Variants in SPON2 observed in about 807,000 individuals in gnomAD.
The protein encoded by SPON2 is spondin-2.
SPON2 carries 32 observed loss-of-function variants against 29.9 expected under a neutral mutation model. The observed-to-expected ratio is 1.07, with a 90% CI of 0.81 to 1.44. SPON2 has a LOEUF of 1.44. SPON2 is among the 40% of genes most tolerant of loss of function. The probability of loss-of-function intolerance (pLI) is 0.00; values close to 1 mark genes in which losing one functional copy is unlikely to be tolerated. For missense variants in SPON2, 541 were observed against 455.5 expected, an observed-to-expected ratio of 1.19 and a Z score of -1.71; for synonymous variants, 248 against 209.1, an observed-to-expected ratio of 1.19 and a Z score of -1.61.
intron 5 of SPON2, among the ~76,000 whole-genome samples, chr4:1,168,632 A>C (rs1216935591): frequency 6.6e-6 from 1 of 152,202 alleles, no homozygotes; most frequent in Non-Finnish European, 1.5e-5. Context: ...TGGGGAGCAC[A>C]CAGAGCTGCT....
intron 1 of SPON2, among the ~76,000 whole-genome samples, chr4:1,189,270 G>A (rs775019958): frequency 1.8e-4 from 27 of 151,464 alleles, no homozygotes; most frequent in African/African-American, 2.4e-4. Context: ...CTAAAGAAAC[G>A]AGAAAAAAAC....
At position 1,206,295 on chromosome 4, in the gene SPON2, C is replaced by G. The variant is rs1271176944; in HGVS notation, c.-234+1585G>C. Among the ~76,000 whole-genome samples the G allele has an allele frequency of 4.0e-5, 6 of 151,676 alleles. No individual in the cohort carries two copies. In the South Asian group the frequency reaches 1.0e-3, roughly 26 times the overall value. Reference sequence around the variant, plus strand: ...CCCTGCCAAGGGTCTGCGGGTGCCACTCACCCACCCGGCTGCAGCCCCCAG... The same window carrying G: ...CCCTGCCAAGGGTCTGCGGGTGCCAGTCACCCACCCGGCTGCAGCCCCCAG... On this transcript the variant is annotated intron_variant, in intron 1 of 3. Coordinates refer to the SPON2 transcript ENST00000509233.
intron 1 of SPON2, among the ~76,000 whole-genome samples, chr4:1,183,704 A>G (rs1373580972): frequency 6.6e-6 from 1 of 152,238 alleles, no homozygotes; most frequent in Non-Finnish European, 1.5e-5. Flanking sequence ...GCTGTAAAGG[A>G]GTAGAATTTA....
chr4:1,206,829 G>T (rs1728352870), intron 1 of SPON2, among the ~76,000 whole-genome samples: 2 of 152,092 alleles, frequency 1.3e-5, no homozygotes, highest in Admixed American at 1.3e-4. Context: ...AGATGGCTTT[G>T]ACCACGAGTG....
chr4:1,201,921 A>C (rs1728219263), intron 1 of SPON2, among the ~76,000 whole-genome samples: 1 of 152,096 alleles, frequency 6.6e-6, no homozygotes, highest in Admixed American at 6.5e-5. Flanking sequence ...ACAGTGCTTC[A>C]CCTGGCTCCC....
upstream of SPON2, among the ~76,000 whole-genome samples, chr4:1,195,640 C>G (rs1480647538): frequency 6.6e-6 from 1 of 152,224 alleles, no homozygotes; most frequent in East Asian, 1.9e-4. Flanking sequence ...CATCACAGCC[C>G]CAGGGCCATC....
At position 1,189,566 on chromosome 4, in the gene SPON2, G is replaced by A. The variant is rs1462883521; in HGVS notation, c.-239+5424C>T. Reference sequence around the variant, plus strand: ...TACCTGGGAGGCTTGAGCCCAGGAGGTCGAGGCTGCAGTGAGCCAAGATCA... The same window carrying A: ...TACCTGGGAGGCTTGAGCCCAGGAGATCGAGGCTGCAGTGAGCCAAGATCA... On this transcript the variant is annotated intron_variant, in intron 1 of 3. Transcript: ENST00000502483. Among the ~76,000 whole-genome samples the A allele has an allele frequency of 3.4e-5, 5 of 145,030 alleles. No homozygotes were observed. In the East Asian group the frequency reaches 1.1e-3, roughly 31 times the overall value.
rs752176272 is a variant in SPON2 at position 1,171,928 on chromosome 4, C to T, written c.144G>A (p.Thr48=). The T allele has an allele frequency of 6.2e-7, 1 of 1,612,864 alleles. No homozygotes were observed. Among genetic ancestry groups the T allele is most frequent in the East Asian group, 2.2e-5 (1 of 44,862 alleles). ...RALAKYSITF[T]GKWSQTAFPK... ...GGAAGGCCGTCTGGCTCCACTTGCCCGTGAAGGTGATGCTGTATTTGGCCA... is the reference window on the plus strand; with the variant it reads ...GGAAGGCCGTCTGGCTCCACTTGCCTGTGAAGGTGATGCTGTATTTGGCCA... Residue 48 remains threonine (T), a synonymous_variant, in exon 2 of 6, where the codon ACG becomes ACA. Transcript: ENST00000290902.
upstream of SPON2, among the ~76,000 whole-genome samples, chr4:1,173,696 A>C (rs1328543422): frequency 6.6e-6 from 1 of 152,234 alleles, no homozygotes; most frequent in Non-Finnish European, 1.5e-5. Flanking sequence ...AACCCTGTTA[A>C]TGTTTCACAG....
chr4:1,189,638 C>CAAAAAAAA (rs61543201), intron 1 of SPON2, among the ~76,000 whole-genome samples: 14 of 60,078 alleles, frequency 2.3e-4, no homozygotes, highest in Non-Finnish European at 3.7e-4. Context: ...GACCCTGTCT[C>CAAAAAAAA]AAAAAAAAAA....
intron 5 of SPON2, among the ~76,000 whole-genome samples, chr4:1,169,392 C>G (rs1446305215): frequency 3.3e-5 from 5 of 152,154 alleles, no homozygotes; most frequent in African/African-American, 4.8e-5. Context: ...AGCACCGAGG[C>G]TGGCACAGGG....
At chr4:1,197,471 GCCATAAATATCAAT>G (rs1279124763), upstream of SPON2, among the ~76,000 whole-genome samples, 4 of 152,266 alleles carry the variant, frequency 2.6e-5, no homozygotes, top group Admixed American at 2.6e-4. Flanking sequence ...AAGCCGAGAA[GCCATAAATATCAAT>G]CCATAAATAT....
At chr4:1,170,756 G>T in intron 4 of SPON2, 180 bp from the exon 5 acceptor site, 1 of 994,858 alleles carries the variant, frequency 1.0e-6, no homozygotes, top group Non-Finnish European at 1.5e-6. Context: ...CCGAGGCCAG[G>T]AAGGGGCAGC....
chr4:1,170,112 G>T (rs959298545), intron 5 of SPON2: 1 of 360,006 alleles, frequency 2.8e-6, no homozygotes, highest in Non-Finnish European at 5.1e-6. Flanking sequence ...CAGGTCACCT[G>T]TGGGTGCGTG....
At position 1,202,797 on chromosome 4, in the gene SPON2, GCCA is replaced by G. The variant is rs1328191572; in HGVS notation, c.-234+5080_-234+5082del. On this transcript the variant is annotated intron_variant, in intron 1 of 3. Coordinates refer to the SPON2 transcript ENST00000509233. The surrounding 1 kb of genome is among the most constrained non-coding windows in gnomAD (Gnocchi z 5.4). The stretch of plus-strand genomic sequence containing the variant: ...AACATGCTTTGAAATCTGGGTGCAG[GCCA>G]CCATCGCCTGCAGTGTCAGCGCCCC... Among the ~76,000 whole-genome samples the G allele has an allele frequency of 6.6e-6, 1 of 152,192 alleles. No homozygotes were observed. Among genetic ancestry groups the G allele is most frequent in the Non-Finnish European group, 1.5e-5 (1 of 68,032 alleles).
chr4:1,206,910 G>GAGGAGA (rs1482103944), intron 1 of SPON2, among the ~76,000 whole-genome samples: 1 of 151,558 alleles, frequency 6.6e-6, no homozygotes, highest in East Asian at 1.9e-4. Flanking sequence ...CACATGGAGG[G>GAGGAGA]TGGGAGGAGA....
At chr4:1,195,414 C>T (rs186233481), upstream of SPON2, among the ~76,000 whole-genome samples, 350 of 152,118 alleles carry the variant, frequency 2.3e-3, no homozygotes, top group African/African-American at 7.8e-3. Flanking sequence ...CCTCAGGGGT[C>T]CCTCACAGGC....
intron 4 of SPON2, 48 bp from the exon 5 acceptor site, chr4:1,170,624 T>C (rs1028091097): frequency 2.0e-5 from 32 of 1,564,380 alleles, no homozygotes; most frequent in Non-Finnish European, 2.3e-5. Context: ...GAAGCCCACC[T>C]TCTGGTATGC....
chr4:1,181,694 A>G (rs757874437), intron 1 of SPON2, among the ~76,000 whole-genome samples: 26 of 152,198 alleles, frequency 1.7e-4, no homozygotes, highest in Admixed American at 8.5e-4. Flanking sequence ...GCCCCAGCGC[A>G]GACAGTTATG....
Sources: gnomAD v4.1 joint callset for allele counts (sites outside exome capture counted in the v4.1 genomes callset) on GRCh38, gnomAD v4.1.1 for gene constraint, Gnocchi (gnomAD v3.1) non-coding constraint, MANE v1.5 for transcripts, NCBI Gene and HGNC (gene_info 2026-07-23, HGNC 2026-07-21) for gene names.